Variants in SLC35H1 observed in about 807,000 individuals in gnomAD.
SLC35H1 encodes solute carrier family 35 member H1.
chr20:46,354,985 C>G, the SLC35H1 span: 4 of 1,613,890 alleles, frequency 2.5e-6, no homozygotes, highest in Non-Finnish European at 3.4e-6. Flanking sequence ...GGGGGACAGG[C>G]ACCATCAGGT....
At chr20:46,361,256 A>T in the SLC35H1 span, among the ~76,000 whole-genome samples, 4 of 152,178 alleles carry the variant, frequency 2.6e-5, no homozygotes, top group Admixed American at 6.5e-5. Context: ...CTAGTTGCTC[A>T]GGCCAAAAGC....
At chr20:46,352,616 A>C in the SLC35H1 span, 1 of 174,740 alleles carries the variant, frequency 5.7e-6, no homozygotes, top group African/African-American at 2.7e-5. Flanking sequence ...TCCTAGCGGG[A>C]TGACGATGGG....
At chr20:46,358,499 C>T in the SLC35H1 span, 3 of 1,614,196 alleles carry the variant, frequency 1.9e-6, no homozygotes, top group Non-Finnish European at 8.5e-7. Context: ...GAGGGCCCAC[C>T]TCCCCATTCG....
At chr20:46,347,582 T>G in the SLC35H1 span, 2 of 152,218 alleles carry the variant, frequency 1.3e-5, no homozygotes, top group African/African-American at 2.4e-5. Flanking sequence ...CACTAGTGTG[T>G]GATGCAGGAA....
the SLC35H1 span, chr20:46,355,433 G>A: frequency 1.0e-5 from 7 of 674,418 alleles, no homozygotes; most frequent in Non-Finnish European, 1.7e-5. This position sits in a 1 kb window ranked among gnomAD's most constrained non-coding sequence, Gnocchi z 4.8. Flanking sequence ...CTGACGGTCA[G>A]CTGGTATGCC....
chr20:46,358,086 G>A, the SLC35H1 span, among the ~76,000 whole-genome samples: 1 of 152,182 alleles, frequency 6.6e-6, no homozygotes, highest in South Asian at 2.1e-4. Flanking sequence ...GGCCCACTAC[G>A]TTGTATCACT....
the SLC35H1 span, among the ~76,000 whole-genome samples, chr20:46,363,846 C>T: frequency 6.6e-6 from 1 of 152,256 alleles, no homozygotes; most frequent in African/African-American, 2.4e-5. Context: ...TCTTCTGCCA[C>T]TGGTCCCAGC....
the SLC35H1 span, chr20:46,354,773 C>A: frequency 4.5e-5 from 44 of 975,978 alleles, no homozygotes; most frequent in Non-Finnish European, 6.6e-5. Flanking sequence ...AGGGGAGGGA[C>A]TGCATCTTTG....
the SLC35H1 span, among the ~76,000 whole-genome samples, chr20:46,360,110 G>A: frequency 3.3e-5 from 5 of 152,186 alleles, no homozygotes; most frequent in Non-Finnish European, 5.9e-5. Context: ...CATCCCGCAC[G>A]ACTTTGACAT....
At chr20:46,347,127 T>C in the SLC35H1 span, 1 of 152,232 alleles carries the variant, frequency 6.6e-6, no homozygotes, top group Non-Finnish European at 1.5e-5. Context: ...GTATGTATTA[T>C]TATTCCTTCT....
chr20:46,360,203 A>C, the SLC35H1 span, among the ~76,000 whole-genome samples: 1 of 152,236 alleles, frequency 6.6e-6, no homozygotes, highest in Non-Finnish European at 1.5e-5. Context: ...CAGTGTTTCC[A>C]TGGTTCTGCT....
the SLC35H1 span, chr20:46,346,887 CA>C: frequency 0.7 from 79,535 of 114,288 alleles, 26,391 homozygotes; most frequent in South Asian, 0.77. Context: ...AACTCCATGT[CA>C]AAAAAAAAAA....
chr20:46,356,331 G>A, the SLC35H1 span, among the ~76,000 whole-genome samples: 2 of 152,232 alleles, frequency 1.3e-5, no homozygotes, highest in East Asian at 1.9e-4. Flanking sequence ...GGGGTTCTGG[G>A]AGAGCTCCCT....
the SLC35H1 span, chr20:46,364,365 A>G: frequency 6.6e-6 from 1 of 151,986 alleles, no homozygotes; most frequent in Non-Finnish European, 1.5e-5. Context: ...CCGCACACCC[A>G]CTCACCTCGG....
At chr20:46,355,674 G>C in the SLC35H1 span, 2 of 1,371,950 alleles carry the variant, frequency 1.5e-6, no homozygotes, top group Non-Finnish European at 1.0e-6. The surrounding 1 kb of genome is among the most constrained non-coding windows in gnomAD (Gnocchi z 4.8). Flanking sequence ...TCTCAGAAAG[G>C]GATCTACTGC....
the SLC35H1 span, among the ~76,000 whole-genome samples, chr20:46,351,676 AG>A: frequency 6.6e-6 from 1 of 152,228 alleles, no homozygotes; most frequent in Non-Finnish European, 1.5e-5. Flanking sequence ...GAGTCTGGAT[AG>A]GGGCTGTTCA....
the SLC35H1 span, chr20:46,358,802 A>T: frequency 7.8e-7 from 1 of 1,287,736 alleles, no homozygotes; most frequent in East Asian, 2.5e-5. Flanking sequence ...CCTCAGGCAG[A>T]GACTGTGCTT....
chr20:46,360,019 G>A, the SLC35H1 span, among the ~76,000 whole-genome samples: 1 of 152,178 alleles, frequency 6.6e-6, no homozygotes, highest in African/African-American at 2.4e-5. Flanking sequence ...GAAACCTGTG[G>A]CGGTATTTTG....
At chr20:46,346,707 T>C in the SLC35H1 span, 1 of 152,150 alleles carries the variant, frequency 6.6e-6, no homozygotes, top group East Asian at 1.9e-4. Flanking sequence ...ATCTCAGCTT[T>C]AGAGCTCCCT....
Sources: allele counts gnomAD v4.1 joint callset (sites outside exome capture counted in the v4.1 genomes callset), GRCh38; gene constraint gnomAD v4.1.1; non-coding constraint Gnocchi (gnomAD v3.1); transcripts MANE v1.5; gene names NCBI Gene and HGNC (gene_info 2026-07-23, HGNC 2026-07-21).